Variants in FHIT observed in about 807,000 individuals in gnomAD.
FHIT encodes the protein fragile histidine triad diadenosine triphosphatase.
FHIT carries 19 observed loss-of-function variants against 17.9 expected under a neutral mutation model. That is an observed-to-expected ratio of 1.06 (90% CI 0.74 to 1.56). The LOEUF is 1.56. Ranked by LOEUF, FHIT falls within the 40% of genes most tolerant of loss-of-function variation. FHIT has a pLI of 0.00. For synonymous variants in FHIT, 81 were observed against 69.7 expected (o/e 1.16, Z -0.81); for missense variants, 248 against 189.2 (o/e 1.31, Z -1.82).
intron 5 of FHIT, among the ~76,000 whole-genome samples, chr3:60,151,433 C>T (rs922526107): frequency 6.6e-6 from 1 of 152,192 alleles, no homozygotes; most frequent in Non-Finnish European, 1.5e-5. Flanking sequence ...TCAGTCCAAA[C>T]TTAGTCCCAT....
At chr3:61,246,973 C>A (rs1294324954) in intron 1 of FHIT, among the ~76,000 whole-genome samples, 1 of 152,076 alleles carries the variant, frequency 6.6e-6, no homozygotes, top group African/African-American at 2.4e-5. Flanking sequence ...AGCACACAGA[C>A]CTTCTTTCTG....
intron 4 of FHIT, among the ~76,000 whole-genome samples, chr3:60,785,894 A>AAAACACAC (rs782044415): frequency 2.2e-3 from 158 of 70,250 alleles, no homozygotes; most frequent in Middle Eastern, 8.3e-3. Context: ...CAACAAACAG[A>AAAACACAC]AGACACACAC....
chr3:60,659,587 T>C (rs1401940465), intron 4 of FHIT, among the ~76,000 whole-genome samples: 5 of 152,306 alleles, frequency 3.3e-5, no homozygotes, highest in African/African-American at 1.2e-4. Flanking sequence ...TCAGTTATTA[T>C]ACTTTTCAAC....
intron 8 of FHIT, among the ~76,000 whole-genome samples, chr3:59,901,680 TA>T (rs1704336600): frequency 6.6e-6 from 1 of 152,186 alleles, no homozygotes; most frequent in South Asian, 2.1e-4. Flanking sequence ...ACACTATTGG[TA>T]AGAATGTAAA....
Position 59,837,047 on chromosome 3 carries a change from A to C in FHIT, c.349-84726T>G, listed in dbSNP as rs555021915. Among the ~76,000 whole-genome samples the C allele has an allele frequency of 1.3e-4, 20 of 152,258 alleles. No homozygotes were observed. The South Asian group carries it at 3.9e-3, about 30-fold the overall frequency. ...GGAGAAACACAGTTAATTTTCTGTG[A>C]GAAAAAAAAGAGTTCAGTTTTTTGG... On this transcript the variant is annotated intron_variant, in intron 8 of 9. Coordinates refer to ENST00000492590, the MANE Select transcript of FHIT (RefSeq NM_002012.4).
chr3:60,409,518 A>G (rs1006941208), intron 5 of FHIT, among the ~76,000 whole-genome samples: 2 of 152,202 alleles, frequency 1.3e-5, no homozygotes, highest in African/African-American at 4.8e-5. Flanking sequence ...AGCTGTAATG[A>G]GAAATTACAT....
At chr3:60,088,214 T>C (rs1369168897) in intron 5 of FHIT, among the ~76,000 whole-genome samples, 1 of 151,712 alleles carries the variant, frequency 6.6e-6, no homozygotes, top group Non-Finnish European at 1.5e-5. Flanking sequence ...CATTAATCTA[T>C]TCATGACGGA....
chr3:59,996,026 G>A (rs1699495647), intron 7 of FHIT, among the ~76,000 whole-genome samples: 1 of 152,082 alleles, frequency 6.6e-6, no homozygotes, highest in Non-Finnish European at 1.5e-5. Context: ...GGATGACACT[G>A]GCTTTGTCCA....
At chr3:60,242,977 T>C (rs1705210909) in intron 5 of FHIT, among the ~76,000 whole-genome samples, 1 of 151,980 alleles carries the variant, frequency 6.6e-6, no homozygotes, top group Non-Finnish European at 1.5e-5. Flanking sequence ...TTACTTGAAT[T>C]GATAGGCACA....
chr3:59,873,343 A>C (rs1172182680), intron 8 of FHIT, among the ~76,000 whole-genome samples: 1 of 152,194 alleles, frequency 6.6e-6, no homozygotes, highest in East Asian at 1.9e-4. Flanking sequence ...ATCATTTACT[A>C]TATGCCTGAC....
chr3:60,226,513 T>C (rs1038432632), intron 5 of FHIT, among the ~76,000 whole-genome samples: 51 of 142,842 alleles, frequency 3.6e-4, no homozygotes, highest in African/African-American at 1.2e-3. Flanking sequence ...GCCTGCACTA[T>C]ACTAACATGT....
At chr3:59,939,702 A>T (rs577996823) in intron 7 of FHIT, among the ~76,000 whole-genome samples, 1 of 152,186 alleles carries the variant, frequency 6.6e-6, no homozygotes, top group African/African-American at 2.4e-5. Flanking sequence ...CATTAAGGTG[A>T]TTAGCCAACA....
chr3:60,952,465 A>G (rs1404051856), intron 3 of FHIT, among the ~76,000 whole-genome samples: 1 of 152,204 alleles, frequency 6.6e-6, no homozygotes, highest in Non-Finnish European at 1.5e-5. Context: ...GCTTTGGATC[A>G]TATGCAGAAT....
intron 5 of FHIT, among the ~76,000 whole-genome samples, chr3:60,249,472 C>T (rs1160515680): frequency 1.3e-5 from 2 of 152,044 alleles, no homozygotes; most frequent in Non-Finnish European, 2.9e-5. Context: ...AATCCCATCA[C>T]CCTGTTCATT....
At chr3:60,128,814 G>C (rs1559658478) in intron 5 of FHIT, among the ~76,000 whole-genome samples, 2 of 152,180 alleles carry the variant, frequency 1.3e-5, no homozygotes, top group African/African-American at 2.4e-5. Flanking sequence ...AGATAAGGCT[G>C]TGACCTCCTC....
intron 3 of FHIT, among the ~76,000 whole-genome samples, chr3:60,837,591 C>T (rs1363036883): frequency 6.6e-6 from 1 of 152,046 alleles, no homozygotes; most frequent in Admixed American, 6.6e-5. Context: ...TATATTTAGA[C>T]CATTTAACTT....
At chr3:60,056,397 T>G (rs1702083245) in intron 5 of FHIT, among the ~76,000 whole-genome samples, 1 of 152,230 alleles carries the variant, frequency 6.6e-6, no homozygotes. Context: ...AAAATGCTCC[T>G]TTTGTTTTGC....
At chr3:60,500,851 C>T (rs542543914) in intron 5 of FHIT, among the ~76,000 whole-genome samples, 77 of 146,766 alleles carry the variant, frequency 5.2e-4, no homozygotes, top group Non-Finnish European at 8.7e-4. Context: ...AAAGAACTAA[C>T]ACAGTGCCTG....
At chr3:59,936,739 C>A (rs1430798719) in intron 7 of FHIT, among the ~76,000 whole-genome samples, 4 of 152,116 alleles carry the variant, frequency 2.6e-5, no homozygotes, top group Non-Finnish European at 5.9e-5. Flanking sequence ...AGGGACAGGA[C>A]AAGCTTTCAT....
Sources: allele counts gnomAD v4.1 joint callset (sites outside exome capture counted in the v4.1 genomes callset), GRCh38; gene constraint gnomAD v4.1.1; transcripts MANE v1.5; gene names NCBI Gene and HGNC (gene_info 2026-07-23, HGNC 2026-07-21).